The following COL4A2 variants were observed in gnomAD, a reference collection of about 807,000 sequenced individuals.
COL4A2 encodes collagen alpha-2(IV) chain.
A neutral mutation model predicts 200.2 loss-of-function variants in COL4A2; 99 were observed. The observed-to-expected ratio is 0.49, with a 90% CI of 0.42 to 0.58. The LOEUF is 0.58. COL4A2 is among the 20% of genes least tolerant of loss of function. The pLI, the probability that COL4A2 is intolerant of heterozygous loss-of-function variation, is 0.00. For synonymous variants in COL4A2, 897 were observed against 900.6 expected (o/e 1.00, Z 0.07); for missense variants, 1,950 against 2,314.1 (o/e 0.84, Z 3.23).
intron 27 of COL4A2, chr13:110,468,461 G>T (rs899460363): frequency 5.3e-6 from 2 of 380,586 alleles, no homozygotes; most frequent in Admixed American, 6.3e-5. Context: ...GTGTGCCAAG[G>T]CCGGTCTCCG....
chr13:110,498,173 TTGTC>T (rs1180048293), intron 40 of COL4A2, among the ~76,000 whole-genome samples: 2 of 152,368 alleles, frequency 1.3e-5, no homozygotes, highest in Non-Finnish European at 2.9e-5. Flanking sequence ...GTCTCTGGCT[TTGTC>T]TGTCAAATGA....
At chr13:110,493,415 C>T (rs1159184331) in intron 39 of COL4A2, 133 bp downstream of exon 39, 7 of 895,562 alleles carry the variant, frequency 7.8e-6, no homozygotes, top group East Asian at 5.2e-5. Context: ...AAGTGCTATG[C>T]GATCGGCCGT....
chr13:110,474,196 G>T (rs4773192), intron 29 of COL4A2, among the ~76,000 whole-genome samples: 42,011 of 152,104 alleles, frequency 0.28, 6,172 homozygotes, highest in East Asian at 0.43. Flanking sequence ...TTTATCTGTT[G>T]ATGGCATTGT....
At chr13:110,385,161 C>A (rs1255121368) in intron 4 of COL4A2, among the ~76,000 whole-genome samples, 1 of 151,816 alleles carries the variant, frequency 6.6e-6, no homozygotes, top group Non-Finnish European at 1.5e-5. Context: ...ACTTGGGAGG[C>A]TGAGGCAGAA....
chr13:110,353,104 GTTTC>G (rs1877034658), intron 3 of COL4A2, among the ~76,000 whole-genome samples: 1 of 152,186 alleles, frequency 6.6e-6, no homozygotes, highest in Admixed American at 6.5e-5. Flanking sequence ...TTGAATTGAT[GTTTC>G]TTTCATGAGC....
chr13:110,387,044 C>T (rs920930528), intron 4 of COL4A2, among the ~76,000 whole-genome samples: 1 of 152,124 alleles, frequency 6.6e-6, no homozygotes, highest in East Asian at 1.9e-4. Context: ...TCAAGACCAG[C>T]CTGGCCAACA....
chr13:110,419,462 G>T (rs1485529344), intron 4 of COL4A2, among the ~76,000 whole-genome samples: 1 of 152,240 alleles, frequency 6.6e-6, no homozygotes, highest in Non-Finnish European at 1.5e-5. Flanking sequence ...GTTGTGTGAT[G>T]TGGGGCCCTG....
chr13:110,415,582 G>A (rs1224720633), intron 4 of COL4A2, among the ~76,000 whole-genome samples: 1 of 152,116 alleles, frequency 6.6e-6, no homozygotes. Flanking sequence ...TTGTATTATC[G>A]TAGCGGAACC....
chr13:110,314,229 C>G (rs754091775), intron 3 of COL4A2, among the ~76,000 whole-genome samples: 2 of 152,232 alleles, frequency 1.3e-5, no homozygotes, highest in African/African-American at 2.4e-5. Context: ...ACTCTCTGTA[C>G]TATCTCTGCA....
chr13:110,436,144 G>A lies in COL4A2; in HGVS notation c.727-125G>A, dbSNP rs745551948. ...TTTGTGGTTATTATACTGTAAATAG[G>A]TATACATATGGTAAGTAATATGCAA... On this transcript the variant is annotated intron_variant, in intron 12 of 47. Transcript: ENST00000360467. 34 of 1,352,312 alleles carry A rather than the reference G, an allele frequency of 2.5e-5. No individual in the cohort carries two copies. In the Admixed American group the frequency reaches 5.1e-4, roughly 20 times the overall value. The allele number at this position is 1,352,312 out of a possible 1,614,324, so 83.8% of individuals were successfully genotyped here. A position where few individuals can be genotyped will look rare whatever the true frequency, so the allele number is the denominator to read the frequency against.
intron 30 of COL4A2, among the ~76,000 whole-genome samples, chr13:110,479,738 C>T (rs2139521600): frequency 6.6e-6 from 1 of 152,254 alleles, no homozygotes; most frequent in East Asian, 1.9e-4. Context: ...CGGGAGCTGC[C>T]AAGCTCACGA....
chr13:110,310,467 CA>C (rs11306630), intron 3 of COL4A2, among the ~76,000 whole-genome samples: 102,619 of 151,918 alleles, frequency 0.68, 35,270 homozygotes, highest in African/African-American at 0.8. Context: ...CTAACTCAAC[CA>C]AAAAAAATAG....
In COL4A2 at chr13:110,404,539, G is replaced by T. The variant is rs536917108; in HGVS notation, c.181-20195G>T. ...TGTGCTAGGCCAACAGGGAGGTGCC[G>T]GGAGTGTAATACAACAAGGAGGAGC... On this transcript the variant is annotated intron_variant, in intron 4 of 47. Coordinates refer to ENST00000360467, the MANE Select transcript of COL4A2 (RefSeq NM_001846.4). Among the ~76,000 whole-genome samples the T allele has an allele frequency of 3.9e-5, 6 of 152,262 alleles. No homozygotes were observed. In the South Asian group the frequency reaches 8.3e-4, roughly 21 times the overall value.
intron 16 of COL4A2, among the ~76,000 whole-genome samples, chr13:110,441,220 T>C (rs1434178249): frequency 6.6e-6 from 1 of 152,062 alleles, no homozygotes; most frequent in East Asian, 1.9e-4. Flanking sequence ...TAGTGTGGCG[T>C]CTGGAGGCCC....
intron 3 of COL4A2, among the ~76,000 whole-genome samples, chr13:110,350,432 G>A (rs1876906205): frequency 6.6e-6 from 1 of 152,312 alleles, no homozygotes; most frequent in South Asian, 2.1e-4. Flanking sequence ...GGAGGGATTA[G>A]AGGCTCAGCC....
chr13:110,477,948 C>A (rs1474973077), intron 29 of COL4A2, 55 bp from the exon 30 acceptor site: 3 of 1,384,568 alleles, frequency 2.2e-6, no homozygotes. Flanking sequence ...GAGATGCTGT[C>A]TGTGATGAAC....
chr13:110,457,144 T>A, intron 20 of COL4A2, 199 bp from the exon 21 acceptor site: 1 of 385,186 alleles, frequency 2.6e-6, no homozygotes, highest in Non-Finnish European at 5.1e-6. Context: ...GTCGTGGGGC[T>A]GATGCCGTGC....
chr13:110,468,847 C>T (rs1214862472), intron 27 of COL4A2, among the ~76,000 whole-genome samples: 1 of 152,166 alleles, frequency 6.6e-6, no homozygotes, highest in Non-Finnish European at 1.5e-5. Context: ...CCTCATGAGG[C>T]AGGCGATCCT....
intron 20 of COL4A2, among the ~76,000 whole-genome samples, chr13:110,456,165 T>C (rs1229813049): frequency 6.6e-6 from 1 of 152,222 alleles, no homozygotes; most frequent in Non-Finnish European, 1.5e-5. Context: ...GCCGGGATCA[T>C]TGAGCCCTGC....
Sources: gnomAD v4.1 joint callset for allele counts (sites outside exome capture counted in the v4.1 genomes callset) on GRCh38, gnomAD v4.1.1 for gene constraint, MANE v1.5 for transcripts, NCBI Gene and HGNC (gene_info 2026-07-23, HGNC 2026-07-21) for gene names.